Variants in ROBO2 observed in about 807,000 individuals in gnomAD.
ROBO2 encodes the protein roundabout guidance receptor 2.
ROBO2 carries 53 observed loss-of-function variants against 160.8 expected under a neutral mutation model. The observed-to-expected ratio is 0.33, with a 90% CI of 0.26 to 0.41. The LOEUF (loss-of-function observed/expected upper bound fraction) is 0.41, where lower values mean the gene tolerates loss of function less well. Among genes scored for constraint, ROBO2 ranks in the 10% least tolerant of loss-of-function variants. ROBO2 has a pLI of 1.00. For missense variants in ROBO2, 1,577 were observed against 1,722.4 expected (o/e 0.92, Z 1.49); for synonymous variants, 664 against 611.7 (o/e 1.09, Z -1.26).
intron 2 of ROBO2, among the ~76,000 whole-genome samples, chr3:77,211,377 T>C (rs1425092801): frequency 6.6e-6 from 1 of 152,250 alleles, no homozygotes; most frequent in Non-Finnish European, 1.5e-5. Context: ...TTTGGCTGCA[T>C]AAATGTCTTC....
At chr3:76,881,658 G>T (rs1242718284) in intron 2 of ROBO2, among the ~76,000 whole-genome samples, 1 of 152,174 alleles carries the variant, frequency 6.6e-6, no homozygotes, top group Non-Finnish European at 1.5e-5. Context: ...TAAATTACAT[G>T]TTGAATGAAA....
chr3:77,317,305 A>G, intron 2 of ROBO2: 1 of 753,256 alleles, frequency 1.3e-6, no homozygotes, highest in Non-Finnish European at 2.4e-6. Flanking sequence ...GGTGACGAGG[A>G]TGAATGCAAG....
At chr3:77,044,963 CT>C (rs374085910) in intron 1 of ROBO2, among the ~76,000 whole-genome samples, 2 of 151,454 alleles carry the variant, frequency 1.3e-5, no homozygotes, top group African/African-American at 4.8e-5. Context: ...TTCTTCTCTT[CT>C]TTTTTTTTCC....
chr3:77,247,446 G>T (rs961100001), intron 2 of ROBO2, among the ~76,000 whole-genome samples: 1 of 152,174 alleles, frequency 6.6e-6, no homozygotes, highest in Non-Finnish European at 1.5e-5. Flanking sequence ...AAAAGAGCGT[G>T]TACTCTACAC....
At chr3:76,931,971 G>A (rs62263861) in intron 2 of ROBO2, among the ~76,000 whole-genome samples, 41,050 of 151,946 alleles carry the variant, frequency 0.27, 5,884 homozygotes, top group African/African-American at 0.35. Flanking sequence ...GTGAGCCACC[G>A]CACCCTGCCA....
chr3:77,070,566 G>A (rs2067302127), intron 1 of ROBO2, among the ~76,000 whole-genome samples: 1 of 152,100 alleles, frequency 6.6e-6, no homozygotes, highest in Non-Finnish European at 1.5e-5. Flanking sequence ...TTGTGGATGG[G>A]CATGGATTTT....
chr3:76,857,359 T>C (rs980207788), intron 2 of ROBO2, among the ~76,000 whole-genome samples: 1 of 152,222 alleles, frequency 6.6e-6, no homozygotes, highest in Non-Finnish European at 1.5e-5. Context: ...AATGTAACAG[T>C]AAATTAATGC....
At chr3:77,552,260 C>T (rs1005751785) in intron 8 of ROBO2, among the ~76,000 whole-genome samples, 2 of 151,920 alleles carry the variant, frequency 1.3e-5, no homozygotes, top group Non-Finnish European at 2.9e-5. Context: ...TTCTATATTC[C>T]TAAGAACACA....
chr3:77,066,174 A>G (rs1453604134), intron 1 of ROBO2, among the ~76,000 whole-genome samples: 1 of 152,106 alleles, frequency 6.6e-6, no homozygotes, highest in Non-Finnish European at 1.5e-5. Context: ...GATTATGGGA[A>G]ATCGCAAGAT....
At chr3:77,569,787 C>T (rs1037155275) in intron 13 of ROBO2, among the ~76,000 whole-genome samples, 48 of 151,828 alleles carry the variant, frequency 3.2e-4, no homozygotes, top group Non-Finnish European at 4.4e-4. Context: ...AAGCAAACTA[C>T]ATAATCAGTC....
intron 2 of ROBO2, among the ~76,000 whole-genome samples, chr3:77,473,364 G>C (rs768374887): frequency 6.6e-6 from 1 of 150,698 alleles, no homozygotes; most frequent in African/African-American, 2.4e-5. Flanking sequence ...CCTTTCTATC[G>C]GCACAGCTGC....
Position 76,283,151 on chromosome 3 carries a change from T to TATATATATATATATAA in ROBO2, c.109+345550_109+345551insTATATATATATATAAA, listed in dbSNP as rs1219870606. Among the ~76,000 whole-genome samples the TATATATATATATATAA allele has an allele frequency of 9.7e-4, 134 of 137,532 alleles. 4 individuals are homozygous for TATATATATATATATAA. Among genetic ancestry groups the TATATATATATATATAA allele is most frequent in the African/African-American group, 3.0e-3 (117 of 38,858 alleles). The allele number at this position is 137,532 out of a possible 152,430, so 90.2% of individuals were successfully genotyped here. On this transcript the variant is annotated intron_variant, in intron 2 of 26. Coordinates refer to the ROBO2 transcript ENST00000487694. ...ATATAAAACTGTATATATATATATA[T>TATATATATATATATAA]AAAACTACATATATATAGTGACCCC... is the stretch of plus-strand genomic sequence containing the variant.
intron 2 of ROBO2, among the ~76,000 whole-genome samples, chr3:76,788,957 T>A (rs964584474): frequency 2.6e-5 from 4 of 151,640 alleles, no homozygotes; most frequent in South Asian, 2.1e-4. Flanking sequence ...CTGTTGGTAA[T>A]CCTTAAATAA....
At position 76,043,544 on chromosome 3, in the gene ROBO2, C is replaced by G. The variant is rs187350744; in HGVS notation, c.109+105942C>G. ...GGAGAAGACCTAACATTGACTCCAG[C>G]TCACTTGGATTTTTCAGTCTTTGAT... On this transcript the variant is annotated intron_variant, in intron 2 of 26. Coordinates refer to the ROBO2 transcript ENST00000487694. Among the ~76,000 whole-genome samples the G allele has an allele frequency of 2.6e-4, 36 of 140,474 alleles. No individual in the cohort carries two copies. The East Asian group carries it at 7.6e-3, about 30-fold the overall frequency. The allele number at this position is 140,474 out of a possible 152,430, so 92.2% of individuals were successfully genotyped here. A position where few individuals can be genotyped will look rare whatever the true frequency, so the allele number is the denominator to read the frequency against.
chr3:77,160,713 T>C lies in ROBO2; in HGVS notation c.388+62373T>C, dbSNP rs555000696. Among the ~76,000 whole-genome samples the C allele has an allele frequency of 8.5e-5, 13 of 152,306 alleles. No individual in the cohort carries two copies. The South Asian group carries it at 2.7e-3, about 32-fold the overall frequency. ...CCTACATGTGGTACAGAAAGTCATA[T>C]TTGAACTACAGTTTTAGTACCGCTA... On this transcript the variant is annotated intron_variant, in intron 2 of 25. Coordinates refer to ENST00000461745, the Ensembl canonical transcript of ROBO2.
chr3:76,141,171 A>C (rs1256030266), intron 2 of ROBO2, among the ~76,000 whole-genome samples: 2 of 101,176 alleles, frequency 2.0e-5, no homozygotes, highest in Non-Finnish European at 2.1e-5. Context: ...ATATATATAT[A>C]TATATATATA....
intron 2 of ROBO2, among the ~76,000 whole-genome samples, chr3:77,415,676 C>G (rs1399415359): frequency 6.6e-6 from 1 of 152,078 alleles, no homozygotes; most frequent in East Asian, 1.9e-4. Flanking sequence ...AGTGGCTGAG[C>G]TGGGTGTGGG....
exon 22 of ROBO2, chr3:77,617,698 A>G: frequency 6.2e-7 from 1 of 1,614,090 alleles, no homozygotes; most frequent in Non-Finnish European, 8.5e-7. Flanking sequence ...CCACGGGAAG[A>G]GATGCAACCC....
intron 2 of ROBO2, among the ~76,000 whole-genome samples, chr3:76,716,226 CAG>C: frequency 2.0e-5 from 3 of 152,262 alleles, no homozygotes; most frequent in South Asian, 4.1e-4. Flanking sequence ...TGCATTCACT[CAG>C]GCAACTTTCC....
Sources: allele counts gnomAD v4.1 joint callset (sites outside exome capture counted in the v4.1 genomes callset), GRCh38; gene constraint gnomAD v4.1.1; transcripts MANE v1.5; gene names NCBI Gene and HGNC (gene_info 2026-07-23, HGNC 2026-07-21).